The following ABCG1 variants were observed in gnomAD, a reference collection of about 807,000 sequenced individuals.
The protein encoded by ABCG1 is ATP binding cassette subfamily G member 1.
ABCG1 carries 29 observed loss-of-function variants against 69.2 expected under a neutral mutation model. The ratio of observed to expected loss-of-function variants is 0.42; its 90% CI spans 0.31 to 0.57. The LOEUF (loss-of-function observed/expected upper bound fraction) is 0.57, where lower values mean the gene tolerates loss of function less well. Ranked by LOEUF, ABCG1 falls within the 20% of genes least tolerant of loss-of-function variation. The pLI is 0.15. For missense variants in ABCG1, 718 were observed against 898.1 expected (o/e 0.80, Z 2.56); for synonymous variants, 370 against 374.8 (o/e 0.99, Z 0.15).
At chr21:42,228,128 G>A (rs954841632) in intron 2 of ABCG1, among the ~76,000 whole-genome samples, 8 of 152,214 alleles carry the variant, frequency 5.3e-5, no homozygotes, top group African/African-American at 1.9e-4. Context: ...GTAATGGCTT[G>A]TAGTGAGGGA....
At position 42,288,026 on chromosome 21, in the gene ABCG1, C is replaced by G. The variant is rs1477193362; in HGVS notation, c.1111C>G (p.Pro371Ala). 5.6e-6 allele frequency: 9 copies of G among 1,610,286 alleles called. No homozygotes were observed. Among genetic ancestry groups the G allele is most frequent in the Non-Finnish European group, 6.8e-6 (8 of 1,177,796 alleles). The change falls in exon 9 of 15, where the codon CCC becomes GCC. Residue 371 changes from proline to alanine, a missense_variant. Around this residue, in one of 2 missense-constraint regions of ABCG1, gnomAD observed 514 missense variants for 574.3 expected, o/e 0.90. Transcript: ENST00000398449. The surrounding 1 kb of genome is among the most constrained non-coding windows in gnomAD (Gnocchi z 4.8). Reference sequence around the variant, plus strand: ...GGTGAACCCTTTTCTTTGGCACCGGCCCTCTGAAGAGGTAAAGCAGACAAA... The same window carrying G: ...GGTGAACCCTTTTCTTTGGCACCGGGCCTCTGAAGAGGTAAAGCAGACAAA... ...AEVNPFLWHRPSEEDSSSMEG... is the reference protein window; with the variant it reads ...AEVNPFLWHRASEEDSSSMEG...
In ABCG1 at chr21:42,278,127, G is replaced by A. The variant is rs548318356; in HGVS notation, c.588+1182G>A. 7.2e-5 allele frequency among the ~76,000 whole-genome samples: 11 copies of A among 152,320 alleles called. No individual in the cohort carries two copies. The South Asian group carries it at 1.0e-3, about 14-fold the overall frequency. On this transcript the variant is annotated intron_variant, in intron 5 of 14. Transcript: ENST00000398449. ...AATTCTTTTATTCTGAGATTGAAAAGAAAATGGATGAGTGGAAACCAAAAG... is the reference window on the plus strand; with the variant it reads ...AATTCTTTTATTCTGAGATTGAAAAAAAAATGGATGAGTGGAAACCAAAAG...
chr21:42,221,475 A>G (rs115056315), intron 1 of ABCG1, among the ~76,000 whole-genome samples: 1 of 152,104 alleles, frequency 6.6e-6, no homozygotes, highest in Admixed American at 6.5e-5. Flanking sequence ...TCGGGGGAAC[A>G]TGCTGGAGCC....
intron 5 of ABCG1, among the ~76,000 whole-genome samples, chr21:42,279,313 G>C (rs147438988): frequency 7.7e-4 from 118 of 152,274 alleles, no homozygotes; most frequent in African/African-American, 2.3e-3. Flanking sequence ...TAAGGCCCAA[G>C]GACAGAGCAA....
chr21:42,275,301 C>T (rs765816015), intron 4 of ABCG1, among the ~76,000 whole-genome samples: 21 of 152,178 alleles, frequency 1.4e-4, no homozygotes, highest in African/African-American at 3.9e-4. Flanking sequence ...GGTAAGCAGA[C>T]GCCATTCCCC....
At chr21:42,283,612 C>T (rs1324790179) in intron 6 of ABCG1, among the ~76,000 whole-genome samples, 1 of 152,050 alleles carries the variant, frequency 6.6e-6, no homozygotes, top group Non-Finnish European at 1.5e-5. Flanking sequence ...GGGCACTAGA[C>T]CACCTGAGGC....
At chr21:42,286,033 G>A (rs1016204237) in intron 8 of ABCG1, 39 bp downstream of exon 8, 2 of 1,418,718 alleles carry the variant, frequency 1.4e-6, no homozygotes, top group East Asian at 2.3e-5. Flanking sequence ...ACAGAAAGGG[G>A]ATTTTCCTCC....
intron 2 of ABCG1, among the ~76,000 whole-genome samples, chr21:42,268,634 A>G (rs530781681): frequency 4.7e-4 from 71 of 152,290 alleles, no homozygotes; most frequent in African/African-American, 1.7e-3. Context: ...TAAGTTTCTA[A>G]TATTAGAGAA....
intron 2 of ABCG1, among the ~76,000 whole-genome samples, chr21:42,246,497 C>T (rs577743493): frequency 1.2e-4 from 18 of 152,302 alleles, no homozygotes; most frequent in African/African-American, 4.1e-4. Context: ...TCCTCACTGA[C>T]GTAAAGGGAT....
rs1321363363 is a variant in ABCG1, at chr21:42,282,373, G to C, written c.688G>C (p.Glu230Gln). The C allele has an allele frequency of 2.5e-6, 4 of 1,613,846 alleles. No homozygotes were observed. Among genetic ancestry groups the C allele is most frequent in the Non-Finnish European group, 3.4e-6 (4 of 1,179,986 alleles). Reference sequence around the variant, plus strand: ...GCGCAAGCGCCTGGCCATCGCGCTGGAGCTGGTGAACAACCCTCCAGTCAT... The same window carrying C: ...GCGCAAGCGCCTGGCCATCGCGCTGCAGCTGGTGAACAACCCTCCAGTCAT... ...GQRKRLAIALELVNNPPVMFF... is the reference protein window; with the variant it reads ...GQRKRLAIALQLVNNPPVMFF... The change falls in exon 6 of 15, where the codon GAG becomes CAG. Residue 230 changes from glutamate to glutamine, a missense_variant. Physicochemically the swap from Glu to Gln is conservative, Grantham distance 29. Around this residue, in one of 2 missense-constraint regions of ABCG1, gnomAD observed 514 missense variants for 574.3 expected, o/e 0.90. Transcript: ENST00000398449.
chr21:42,259,690 A>AC (rs2068372317), intron 2 of ABCG1, among the ~76,000 whole-genome samples: 1 of 152,268 alleles, frequency 6.6e-6, no homozygotes, highest in Non-Finnish European at 1.5e-5. Context: ...TCGCACGTGC[A>AC]TGTAATCCAC....
At chr21:42,255,253 G>A (rs913742222) in intron 2 of ABCG1, among the ~76,000 whole-genome samples, 8 of 152,346 alleles carry the variant, frequency 5.3e-5, no homozygotes, top group African/African-American at 1.7e-4. Context: ...TGTGCAGGGG[G>A]CGTGTGTGTG....
At position 42,296,452 on chromosome 21, in the gene ABCG1, T is replaced by C; in HGVS notation, c.*60T>C. 6.8e-7 allele frequency: 1 copy of C among 1,476,900 alleles called. No homozygotes were observed. Among genetic ancestry groups the C allele is most frequent in the Non-Finnish European group, 9.3e-7 (1 of 1,075,674 alleles). 91.5% of individuals were successfully genotyped at this position (1,476,900 alleles called of 1,614,324 possible). On this transcript the variant is annotated 3_prime_UTR_variant, in exon 15 of 15. Transcript: ENST00000398449. The surrounding 1 kb of genome is among the most constrained non-coding windows in gnomAD (Gnocchi z 5.4). ...ACTGTGGCCGAGGGCACGTCTAGAA[T>C]CGAGGAGGCAAGCCTGTGCCCGACC...
In ABCG1 at chr21:42,219,417, G is replaced by T; in HGVS notation, c.42+113G>T. On this transcript the variant is annotated intron_variant, in intron 1 of 14. Coordinates refer to ENST00000398449, the MANE Select transcript of ABCG1 (RefSeq NM_016818.3). This position sits in a 1 kb window ranked among gnomAD's most constrained non-coding sequence, Gnocchi z 5.3. ...CACCCCTCCCAGGAGCGCGTCCTCT[G>T]GGCGCTGACCCAGGGCACCCTAGAG... is the stretch of plus-strand genomic sequence containing the variant. 7.0e-7 allele frequency: 1 copy of T among 1,428,880 alleles called. No homozygotes were observed. 88.5% of individuals were successfully genotyped at this position (1,428,880 alleles called of 1,614,324 possible). A position where few individuals can be genotyped will look rare whatever the true frequency, so the allele number is the denominator to read the frequency against.
upstream of ABCG1, among the ~76,000 whole-genome samples, chr21:42,214,105 G>T (rs1173808840): frequency 2.0e-5 from 3 of 152,208 alleles, no homozygotes; most frequent in Admixed American, 2.0e-4. Flanking sequence ...TGAATGTTGG[G>T]GTTCCCCCTA....
intron 1 of ABCG1, among the ~76,000 whole-genome samples, chr21:42,225,043 T>G (rs951087654): frequency 6.6e-6 from 1 of 152,208 alleles, no homozygotes; most frequent in African/African-American, 2.4e-5. Flanking sequence ...TATCTCAGTT[T>G]CCTTGTTTGT....
At chr21:42,214,381 C>A (rs759675732), upstream of ABCG1, among the ~76,000 whole-genome samples, 1 of 152,196 alleles carries the variant, frequency 6.6e-6, no homozygotes, top group African/African-American at 2.4e-5. Flanking sequence ...ATGAACAATA[C>A]CTTTCTGTAG....
chr21:42,256,308 AGTC>A, intron 2 of ABCG1: 2 of 1,535,266 alleles, frequency 1.3e-6, no homozygotes, highest in Non-Finnish European at 1.8e-6. Context: ...TTTTGCCCGG[AGTC>A]TACAGAGGGT....
chr21:42,201,657 G>C (rs769076646), exon 2 of ABCG1: 2 of 1,606,750 alleles, frequency 1.2e-6, no homozygotes, highest in Admixed American at 1.7e-5. Flanking sequence ...CACCGACTCT[G>C]TGCCAGGAGC....
Sources: allele counts gnomAD v4.1 joint callset (sites outside exome capture counted in the v4.1 genomes callset), GRCh38; gene constraint gnomAD v4.1.1; regional missense constraint gnomAD v4.1.1; non-coding constraint Gnocchi (gnomAD v3.1); transcripts MANE v1.5; gene names NCBI Gene and HGNC (gene_info 2026-07-23, HGNC 2026-07-21).